PSG3: variants seen among roughly 807,000 people sequenced by gnomAD.
The protein encoded by PSG3 is pregnancy specific beta-1-glycoprotein 3.
In PSG3, 61 loss-of-function variants were observed where a neutral mutation model predicts 47.5. The observed-to-expected ratio is 1.28, with a 90% CI of 1.05 to 1.59. The LOEUF is 1.59. PSG3 is among the 40% of genes most tolerant of loss of function. The probability of loss-of-function intolerance (pLI) is 0.00; values close to 1 mark genes in which losing one functional copy is unlikely to be tolerated. For synonymous variants in PSG3, 263 were observed against 198.4 expected (o/e 1.33, Z -2.74); for missense variants, 756 against 524.0 (o/e 1.44, Z -4.32).
rs1969449467 is a variant in PSG3, at chr19:42,730,146, C to T, written c.710-90G>A. 5 of 1,569,364 alleles carry T rather than the reference C, an allele frequency of 3.2e-6. No homozygotes were observed. The Admixed American group carries it at 8.8e-5, about 28-fold the overall frequency. ...CAATCAGAGTTGGCATCTCCCACCT[C>T]TCAGCCCACCCGAGTCCTTGAAAGC... On this transcript the variant is annotated intron_variant, in intron 3 of 6. Coordinates refer to ENST00000327495, the MANE Select transcript of PSG3 (RefSeq NM_021016.4).
At chr19:42,735,494 A>G (rs998792330) in intron 2 of PSG3, among the ~76,000 whole-genome samples, 1 of 151,988 alleles carries the variant, frequency 6.6e-6, no homozygotes, top group Non-Finnish European at 1.5e-5. Context: ...GGCCTCCCAA[A>G]TAGCTGGGAC....
Position 42,738,728 on chromosome 19 carries a change from T to A in PSG3, c.426A>T (p.Leu142Phe), listed in dbSNP as rs1969608709. The A allele has an allele frequency of 6.2e-7, 1 of 1,613,780 alleles. No individual in the cohort carries two copies. The highest frequency in any genetic ancestry group is 2.2e-5 in the East Asian group (1 of 44,866). ...RGETGHFTFT[L>F]YLETPKPSIS... ...TGATCACGTGGAGTCACTCACGGTATAAGGTGAAGGTGAAATGTCCAGTTT... is the reference window on the plus strand; with the variant it reads ...TGATCACGTGGAGTCACTCACGGTAAAAGGTGAAGGTGAAATGTCCAGTTT... Residue 142 changes from leucine (L) to phenylalanine (F), a missense_variant, in exon 2 of 7, where the codon TTA (leucine) becomes TTT (phenylalanine). By Grantham distance (22) the Leu-to-Phe change is conservative. Transcript: ENST00000327495.
intron 3 of PSG3, among the ~76,000 whole-genome samples, chr19:42,731,365 T>C (rs907374180): frequency 2.0e-5 from 3 of 152,196 alleles, no homozygotes; most frequent in Admixed American, 1.3e-4. Flanking sequence ...CTTTTCAGCA[T>C]CAGATTAGTA....
At chr19:42,729,700 A>G in intron 4 of PSG3, 78 bp downstream of exon 4, 1 of 1,573,748 alleles carries the variant, frequency 6.4e-7, no homozygotes, top group Non-Finnish European at 8.6e-7. Context: ...TGGACCAGAG[A>G]GAGAGTGAGA....
At chr19:42,733,583 C>T (rs1000736390) in intron 2 of PSG3, 4 of 163,602 alleles carry the variant, frequency 2.4e-5, no homozygotes, top group South Asian at 1.6e-4. Context: ...GCAGAAATAA[C>T]ACAGGGGAGA....
chr19:42,733,553 A>G (rs2353144), intron 2 of PSG3: 20,967 of 165,496 alleles, frequency 0.13, 2,043 homozygotes, highest in African/African-American at 0.28. Context: ...GGAAAGCCTG[A>G]CCTGGGACTG....
At chr19:42,736,004 C>T (rs1969557203) in intron 2 of PSG3, among the ~76,000 whole-genome samples, 1 of 152,148 alleles carries the variant, frequency 6.6e-6, no homozygotes, top group South Asian at 2.1e-4. Flanking sequence ...TGGGCATAGG[C>T]CAGGCTAACC....
At chr19:42,739,935 TTTTTTTC>T (rs1335422246) in intron 1 of PSG3, among the ~76,000 whole-genome samples, 51 of 151,922 alleles carry the variant, frequency 3.4e-4, no homozygotes, top group Non-Finnish European at 5.9e-4. Context: ...ACTTCTTTCC[TTTTTTTC>T]TTTTTTCTTT....
At chr19:42,740,281 C>A in intron 1 of PSG3, 40 bp downstream of exon 1, 1 of 1,613,778 alleles carries the variant, frequency 6.2e-7, no homozygotes, top group South Asian at 1.1e-5. Flanking sequence ...AGTCACTCTG[C>A]TTCCTCCTCC....
At chr19:42,735,469 C>G (rs1037730461) in intron 2 of PSG3, among the ~76,000 whole-genome samples, 1 of 152,080 alleles carries the variant, frequency 6.6e-6, no homozygotes, top group African/African-American at 2.4e-5. Flanking sequence ...TGGGTTCATG[C>G]CATTCTCCTG....
chr19:42,734,958 A>C (rs73547130), intron 2 of PSG3, among the ~76,000 whole-genome samples: 2,144 of 152,308 alleles, frequency 0.014, 55 homozygotes, highest in African/African-American at 0.05. Flanking sequence ...AATTAGAAAG[A>C]GTCTAAGTGA....
chr19:42,729,689 T>C (rs922585105), intron 4 of PSG3, 89 bp downstream of exon 4: 2 of 1,572,676 alleles, frequency 1.3e-6, no homozygotes, highest in East Asian at 2.2e-5. Context: ...GTATCTATAC[T>C]TGGACCAGAG....
chr19:42,737,441 CT>C (rs1713325992), intron 2 of PSG3, among the ~76,000 whole-genome samples: 1 of 152,126 alleles, frequency 6.6e-6, no homozygotes, highest in African/African-American at 2.4e-5. Context: ...AGGTCCTCTC[CT>C]TGATCCTCTT....
At chr19:42,740,078 G>A (rs371560484) in intron 1 of PSG3, among the ~76,000 whole-genome samples, 13 of 151,572 alleles carry the variant, frequency 8.6e-5, no homozygotes, top group Admixed American at 2.6e-4. Context: ...TCAGCCTCCC[G>A]GGTAGCTAGG....
rs1969607158 is a variant in PSG3, at chr19:42,738,663, C to G, written c.430+61G>C. 9.3e-6 allele frequency: 15 copies of G among 1,612,170 alleles called. No homozygotes were observed. In the Admixed American group the frequency reaches 2.5e-4, roughly 27 times the overall value. On this transcript the variant is annotated intron_variant, in intron 2 of 6. Coordinates refer to ENST00000327495, the MANE Select transcript of PSG3 (RefSeq NM_021016.4). Reference sequence around the variant, plus strand: ...CAGGCACAATCCAGGCCTGACAATCCTTTGTGTGTGAAGTAAAGACCCCAT... The same window carrying G: ...CAGGCACAATCCAGGCCTGACAATCGTTTGTGTGTGAAGTAAAGACCCCAT...
Position 42,729,062 on chromosome 19 carries a change from T to C in PSG3, c.1243+61A>G, listed in dbSNP as rs1225583053. The C allele has an allele frequency of 3.1e-6, 5 of 1,612,192 alleles. No individual in the cohort carries two copies. The East Asian group carries it at 8.9e-5, about 29-fold the overall frequency. Reference sequence around the variant, plus strand: ...AATAAAAATGTTTTCCTGACTCTTCTCTGAAAGCCAGAGAGACTCCACCTA... The same window carrying C: ...AATAAAAATGTTTTCCTGACTCTTCCCTGAAAGCCAGAGAGACTCCACCTA... On this transcript the variant is annotated intron_variant, in intron 5 of 6. Coordinates refer to ENST00000327495, the MANE Select transcript of PSG3 (RefSeq NM_021016.4).
rs141514739 is a variant in PSG3 at position 42,738,766 on chromosome 19, C to T, written c.388G>A (p.Gly130Arg). 8.7e-6 allele frequency: 14 copies of T among 1,614,048 alleles called. No homozygotes were observed. The highest frequency in any genetic ancestry group is 1.3e-5 in the African/African-American group (1 of 75,038). The part of the protein sequence containing the change: ...YTLHIVKRGD[G>R]TRGETGHFTF... ...AAATGTCCAGTTTCTCCTCTAGTCC[C>T]ATCACCTCGCTTTACGATGTGTAAG... The change falls in exon 2 of 7, where the codon GGG becomes AGG. Residue 130 changes from glycine to arginine, a missense_variant. Physicochemically the swap from Gly to Arg is moderately radical, Grantham distance 125. Transcript: ENST00000327495.
chr19:42,739,867 C>T (rs1285367150), intron 1 of PSG3, among the ~76,000 whole-genome samples: 1 of 152,166 alleles, frequency 6.6e-6, no homozygotes, highest in Non-Finnish European at 1.5e-5. Context: ...CTGTGACTTT[C>T]CTGTTTTGAC....
Position 42,729,322 on chromosome 19 carries a change from T to A in PSG3, c.1044A>T (p.Glu348Asp). The change falls in exon 5 of 7, where the codon GAA (glutamate) becomes GAT (aspartate). Residue 348 changes from glutamate (E) to aspartate (D), a missense_variant. Transcript: ENST00000327495. ...YPSFTYYHSG[E>D]NLYLSCFADS... ...CCGCGAAGCAGGACAAGTAGAGGTTTTCTCCTGAATGGTAATAGGTGAATG... is the reference window on the plus strand; with the variant it reads ...CCGCGAAGCAGGACAAGTAGAGGTTATCTCCTGAATGGTAATAGGTGAATG... The A allele has an allele frequency of 1.2e-6, 2 of 1,614,168 alleles. No individual in the cohort carries two copies. Among genetic ancestry groups the A allele is most frequent in the Non-Finnish European group, 1.7e-6 (2 of 1,179,986 alleles).
Sources: gnomAD v4.1 joint callset for allele counts (sites outside exome capture counted in the v4.1 genomes callset) on GRCh38, gnomAD v4.1.1 for gene constraint, MANE v1.5 for transcripts, NCBI Gene and HGNC (gene_info 2026-07-23, HGNC 2026-07-21) for gene names.